The following TXNL1 variants were observed in gnomAD, a reference collection of about 807,000 sequenced individuals.
TXNL1 encodes the protein thioredoxin-like protein 1.
A neutral mutation model predicts 35.5 loss-of-function variants in TXNL1; 14 were observed. The ratio of observed to expected loss-of-function variants is 0.39; its 90% CI spans 0.26 to 0.62. The LOEUF (loss-of-function observed/expected upper bound fraction) is 0.62, where lower values mean the gene tolerates loss of function less well. TXNL1 is among the 20% of genes least tolerant of loss of function. The pLI, the probability that TXNL1 is intolerant of heterozygous loss-of-function variation, is 0.47. For missense variants in TXNL1, 263 were observed against 349.7 expected (o/e 0.75, Z 1.98); for synonymous variants, 110 against 115.5 (o/e 0.95, Z 0.31).
At chr18:56,626,248 A>G (rs747673771) in intron 2 of TXNL1, 113 bp downstream of exon 2, 24 of 1,466,648 alleles carry the variant, frequency 1.6e-5, no homozygotes, top group South Asian at 4.7e-5. Flanking sequence ...ACATCTTCCT[A>G]TCTTCAAAGG....
chr18:56,622,593 C>G (rs541441063), intron 3 of TXNL1, among the ~76,000 whole-genome samples: 17 of 152,124 alleles, frequency 1.1e-4, no homozygotes, highest in Admixed American at 1.1e-3. Flanking sequence ...TTATCCATAA[C>G]ATTTGCACAA....
At chr18:56,616,187 T>C in intron 5 of TXNL1, 58 bp downstream of exon 5, 1 of 1,482,124 alleles carries the variant, frequency 6.7e-7, no homozygotes, top group South Asian at 1.2e-5. Flanking sequence ...GTTTTAATTT[T>C]ATGCTAACAG....
chr18:56,625,349 A>G (rs2024258740), intron 2 of TXNL1, among the ~76,000 whole-genome samples: 1 of 152,178 alleles, frequency 6.6e-6, no homozygotes, highest in South Asian at 2.1e-4. Flanking sequence ...CAAGTTTAAT[A>G]TTACAGGAAA....
chr18:56,627,389 C>T (rs1323732967), intron 1 of TXNL1, among the ~76,000 whole-genome samples: 1 of 152,130 alleles, frequency 6.6e-6, no homozygotes, highest in Non-Finnish European at 1.5e-5. Context: ...TAGAAATTAA[C>T]AAATTTCCAT....
intron 7 of TXNL1, among the ~76,000 whole-genome samples, chr18:56,607,747 T>C (rs1312406628): frequency 6.6e-6 from 1 of 151,926 alleles, no homozygotes; most frequent in Admixed American, 6.6e-5. Flanking sequence ...TCCTAGCTAC[T>C]TGGAAGGCTG....
At chr18:56,623,017 A>AT (rs574644962) in intron 3 of TXNL1, among the ~76,000 whole-genome samples, 57 of 147,334 alleles carry the variant, frequency 3.9e-4, no homozygotes, top group Middle Eastern at 6.9e-3. Flanking sequence ...AGAATCTCTC[A>AT]TTTTTTTTTT....
chr18:56,636,412 T>C (rs760195151), intron 1 of TXNL1, among the ~76,000 whole-genome samples: 8 of 152,178 alleles, frequency 5.3e-5, no homozygotes, highest in South Asian at 2.1e-4. Context: ...TGGGGTTCTA[T>C]TGACAATGAG....
intron 1 of TXNL1, among the ~76,000 whole-genome samples, chr18:56,630,659 C>A (rs1004902458): frequency 2.6e-5 from 4 of 152,176 alleles, no homozygotes; most frequent in Non-Finnish European, 5.9e-5. Flanking sequence ...GTGTTACAGA[C>A]ACACATCTTG....
At position 56,602,816 on chromosome 18, in the gene TXNL1, C is replaced by A; in HGVS notation, c.*211G>T. On this transcript the variant is annotated 3_prime_UTR_variant, in exon 8 of 8. Transcript: ENST00000217515. ...AAGAGAAAATACTGATTTAGAAAGA[C>A]AAAAATTAAGCTTGGCAAAAGTGGT... The A allele has an allele frequency of 1.6e-6, 1 of 616,906 alleles. No individual in the cohort carries two copies. The highest frequency in any genetic ancestry group is 2.8e-6 in the Non-Finnish European group (1 of 355,580). 38.2% of individuals were successfully genotyped at this position (616,906 alleles called of 1,614,324 possible).
intron 7 of TXNL1, among the ~76,000 whole-genome samples, chr18:56,606,982 A>G (rs1448583131): frequency 6.6e-6 from 1 of 151,878 alleles, no homozygotes; most frequent in Non-Finnish European, 1.5e-5. Flanking sequence ...AGTTGGTGTT[A>G]ATCTTTTTTA....
intron 1 of TXNL1, among the ~76,000 whole-genome samples, chr18:56,633,768 G>A (rs933604306): frequency 5.9e-5 from 9 of 151,744 alleles, no homozygotes; most frequent in East Asian, 3.9e-4. Flanking sequence ...GGCAGATCAC[G>A]AGGTCAGGAG....
chr18:56,638,419 C>A lies in TXNL1; in HGVS notation c.22G>T (p.Gly8Trp), dbSNP rs1475902083. ...TCTGGCTGGAAATCCGGGTCGCTCC[C>A]GACGGGCTTCACCCCCACCATCCTC... is the stretch of plus-strand genomic sequence containing the variant. Reference protein sequence around the residue: MVGVKPVGSDPDFQPELS... With the variant: MVGVKPVWSDPDFQPELS... Residue 8 changes from glycine to tryptophan, a missense_variant, in exon 1 of 8, where the codon GGG (glycine) becomes TGG (tryptophan). Coordinates refer to ENST00000217515, the MANE Select transcript of TXNL1 (RefSeq NM_004786.3). The A allele has an allele frequency of 1.2e-6, 2 of 1,613,400 alleles. No individual in the cohort carries two copies. The highest frequency in any genetic ancestry group is 2.2e-5 in the East Asian group (1 of 44,852).
intron 3 of TXNL1, among the ~76,000 whole-genome samples, chr18:56,623,617 C>T (rs2024227443): frequency 6.6e-6 from 1 of 151,986 alleles, no homozygotes; most frequent in African/African-American, 2.4e-5. Context: ...ATTTTGCTTC[C>T]TTCTTGAATA....
At position 56,602,693 on chromosome 18, in the gene TXNL1, T is replaced by C. The variant is rs2023826564; in HGVS notation, c.*334A>G. 1 of 366,180 alleles carries C rather than the reference T, an allele frequency of 2.7e-6. No homozygotes were observed. The highest frequency in any genetic ancestry group is 4.9e-6 in the Non-Finnish European group (1 of 202,906). The allele number at this position is 366,180 out of a possible 1,614,324, so 22.7% of individuals were successfully genotyped here. A position where few individuals can be genotyped will look rare whatever the true frequency, so the allele number is the denominator to read the frequency against. On this transcript the variant is annotated 3_prime_UTR_variant, in exon 8 of 8. Transcript: ENST00000217515. The stretch of plus-strand genomic sequence containing the variant: ...TGTACTTCTTAATTCCCTAGAACAG[T>C]TTCTCCTTTTCTAAAGAAACTGGCT...
intron 1 of TXNL1, among the ~76,000 whole-genome samples, chr18:56,636,595 A>C (rs776052071): frequency 6.6e-6 from 1 of 152,070 alleles, no homozygotes; most frequent in African/African-American, 2.4e-5. Context: ...CCACTAAAAT[A>C]CCTTTTTAAA....
At chr18:56,631,390 T>C (rs2144333499) in intron 1 of TXNL1, among the ~76,000 whole-genome samples, 1 of 152,276 alleles carries the variant, frequency 6.6e-6, no homozygotes, top group Middle Eastern at 3.4e-3. Flanking sequence ...ACACCTTGAT[T>C]AGCTGCCCTT....
chr18:56,621,603 T>A (rs555183553), intron 3 of TXNL1, among the ~76,000 whole-genome samples: 2 of 152,364 alleles, frequency 1.3e-5, no homozygotes, highest in South Asian at 4.1e-4. Flanking sequence ...AACTGACATA[T>A]TCTGAAAACC....
At chr18:56,605,017 T>A (rs1345085309) in intron 7 of TXNL1, among the ~76,000 whole-genome samples, 1 of 145,016 alleles carries the variant, frequency 6.9e-6, no homozygotes, top group African/African-American at 2.6e-5. Context: ...AAATTAAATA[T>A]GAAACAGTAG....
chr18:56,615,637 T>A (rs1006810936), intron 5 of TXNL1, among the ~76,000 whole-genome samples: 1 of 152,068 alleles, frequency 6.6e-6, no homozygotes, highest in African/African-American at 2.4e-5. Context: ...TTGAAATAAA[T>A]CTTTCAGTTT....
Sources: gnomAD v4.1 joint callset for allele counts (sites outside exome capture counted in the v4.1 genomes callset) on GRCh38, gnomAD v4.1.1 for gene constraint, MANE v1.5 for transcripts, NCBI Gene and HGNC (gene_info 2026-07-23, HGNC 2026-07-21) for gene names.